CENPP: variants seen among roughly 807,000 people sequenced by gnomAD.
CENPP encodes the protein centromere protein P.
CENPP carries 24 observed loss-of-function variants against 35.6 expected under a neutral mutation model. That is an observed-to-expected ratio of 0.67 (90% CI 0.49 to 0.95). The LOEUF (loss-of-function observed/expected upper bound fraction) is 0.95. Among genes scored for constraint, CENPP ranks in the 40% least tolerant of loss-of-function variants. The pLI is 0.00. For missense variants in CENPP, 332 were observed against 345.3 expected, an observed-to-expected ratio of 0.96 and a Z score of 0.31; for synonymous variants, 120 against 125.5, an observed-to-expected ratio of 0.96 and a Z score of 0.29.
intron 5 of CENPP, among the ~76,000 whole-genome samples, chr9:92,589,351 A>T (rs556343762): frequency 6.6e-6 from 1 of 151,924 alleles, no homozygotes; most frequent in African/African-American, 2.4e-5. Flanking sequence ...CTCAAAAAAA[A>T]AAAAATTTTT....
intron 5 of CENPP, among the ~76,000 whole-genome samples, chr9:92,411,375 A>G (rs562233627): frequency 2.0e-5 from 3 of 152,174 alleles, no homozygotes; most frequent in African/African-American, 4.8e-5. Context: ...TTTCACTGCA[A>G]TGTCCACTTG....
In CENPP at chr9:92,617,717, G is replaced by A. The variant is rs74993589; in HGVS notation, c.*4568G>A. 0.038 allele frequency: 5,948 copies of A among 158,278 alleles called. 198 individuals are homozygous for A. The highest frequency in any genetic ancestry group is 0.092 in the East Asian group (492 of 5,328). The allele number at this position is 158,278 out of a possible 1,614,324, so 9.8% of individuals were successfully genotyped here. A position where few individuals can be genotyped will look rare whatever the true frequency, so the allele number is the denominator to read the frequency against. On this transcript the variant is annotated 3_prime_UTR_variant, in exon 8 of 8. Transcript: ENST00000375587. ...AGCCTCCAAGGGTGCTGGGGATCGG[G>A]GTGGAGAAGCCAAGGCCGCACACTG...
At chr9:92,502,881 C>T (rs553018197) in intron 5 of CENPP, among the ~76,000 whole-genome samples, 12 of 148,216 alleles carry the variant, frequency 8.1e-5, no homozygotes, top group African/African-American at 2.5e-4. Context: ...AAACATGGCT[C>T]ACTGCAGCCT....
At chr9:92,584,090 G>T (rs1300324716) in intron 5 of CENPP, among the ~76,000 whole-genome samples, 1 of 152,124 alleles carries the variant, frequency 6.6e-6, no homozygotes, top group East Asian at 1.9e-4. Flanking sequence ...ATGTGTCAGG[G>T]ACCTGGCCAC....
At chr9:92,595,984 C>G (rs1209396053) in intron 5 of CENPP, among the ~76,000 whole-genome samples, 1 of 152,030 alleles carries the variant, frequency 6.6e-6, no homozygotes, top group Non-Finnish European at 1.5e-5. Flanking sequence ...ACTTTAAATT[C>G]TATACCCAAA....
chr9:92,487,642 C>T (rs887403827), intron 5 of CENPP, among the ~76,000 whole-genome samples: 1 of 152,148 alleles, frequency 6.6e-6, no homozygotes, highest in East Asian at 1.9e-4. Flanking sequence ...ATCAGCAACA[C>T]AGTGAGATCC....
chr9:92,452,095 T>C (rs1438016545), intron 5 of CENPP, among the ~76,000 whole-genome samples: 1 of 129,796 alleles, frequency 7.7e-6, no homozygotes, highest in African/African-American at 3.5e-5. Context: ...TTTATTTCCT[T>C]CTCCTGCCTA....
At position 92,612,681 on chromosome 9, in the gene CENPP, T is replaced by C. The variant is rs1233448660; in HGVS notation, c.736+67T>C. On this transcript the variant is annotated intron_variant, in intron 7 of 7. Transcript: ENST00000375587. Reference sequence around the variant, plus strand: ...TGCCCAGCAAAGCCGCCTGCCTGTTTCCTCTGGGTTTCAAAGGGCAAGAAT... The same window carrying C: ...TGCCCAGCAAAGCCGCCTGCCTGTTCCCTCTGGGTTTCAAAGGGCAAGAAT... 3.5e-6 allele frequency: 4 copies of C among 1,155,400 alleles called. No individual in the cohort carries two copies. The African/African-American group carries it at 6.1e-5, about 18-fold the overall frequency. 71.6% of individuals were successfully genotyped at this position (1,155,400 alleles called of 1,614,324 possible). A position where few individuals can be genotyped will look rare whatever the true frequency, so the allele number is the denominator to read the frequency against.
chr9:92,410,577 T>G (rs897033115), intron 5 of CENPP, among the ~76,000 whole-genome samples: 3 of 152,184 alleles, frequency 2.0e-5, no homozygotes, highest in Non-Finnish European at 2.9e-5. Flanking sequence ...TTGTGAGATA[T>G]ATGATTTAAG....
chr9:92,611,437 CA>C (rs771886803), intron 6 of CENPP, 44 bp downstream of exon 6: 1 of 1,483,118 alleles, frequency 6.7e-7, no homozygotes, highest in Non-Finnish European at 9.3e-7. Context: ...CCTGTTCAAA[CA>C]AGGATTCCAA....
At chr9:92,527,228 C>T (rs1848469156) in intron 5 of CENPP, among the ~76,000 whole-genome samples, 1 of 152,148 alleles carries the variant, frequency 6.6e-6, no homozygotes, top group Non-Finnish European at 1.5e-5. Flanking sequence ...CCAGGCAGGT[C>T]TCAAACTCCT....
intron 4 of CENPP, among the ~76,000 whole-genome samples, chr9:92,362,527 A>G (rs2130836242): frequency 6.6e-6 from 1 of 152,342 alleles, no homozygotes; most frequent in African/African-American, 2.4e-5. Flanking sequence ...CCTTCTCAGC[A>G]TAGCTGTCCC....
chr9:92,449,145 T>TA (rs922431587), intron 5 of CENPP, among the ~76,000 whole-genome samples: 29 of 151,978 alleles, frequency 1.9e-4, no homozygotes, highest in African/African-American at 6.5e-4. Flanking sequence ...CTCCTACACC[T>TA]AAAAAAACAG....
intron 5 of CENPP, among the ~76,000 whole-genome samples, chr9:92,588,144 A>G (rs1850583455): frequency 6.6e-6 from 1 of 151,270 alleles, no homozygotes; most frequent in Admixed American, 6.6e-5. Flanking sequence ...TGTCTCAAAA[A>G]ATAAAATAAA....
At chr9:92,379,376 A>G (rs1340970104) in intron 4 of CENPP, among the ~76,000 whole-genome samples, 1 of 152,242 alleles carries the variant, frequency 6.6e-6, no homozygotes, top group African/African-American at 2.4e-5. Flanking sequence ...ACTCATTAGC[A>G]TAACAAAGAC....
intron 5 of CENPP, among the ~76,000 whole-genome samples, chr9:92,495,038 A>T (rs1846284811): frequency 6.6e-6 from 1 of 152,216 alleles, no homozygotes; most frequent in African/African-American, 2.4e-5. Context: ...TAATAACTGC[A>T]TTCATCATCC....
chr9:92,584,736 G>A (rs1850503264), intron 5 of CENPP, among the ~76,000 whole-genome samples: 1 of 152,168 alleles, frequency 6.6e-6, no homozygotes, highest in South Asian at 2.1e-4. Context: ...AAGCTCTAGA[G>A]TCTTTAAATT....
At chr9:92,369,648 G>T (rs1207238770) in intron 4 of CENPP, among the ~76,000 whole-genome samples, 1 of 152,158 alleles carries the variant, frequency 6.6e-6, no homozygotes, top group Non-Finnish European at 1.5e-5. Flanking sequence ...TTTGTTATTG[G>T]TGTATAAAAA....
At chr9:92,506,382 CA>C (rs746470223) in intron 5 of CENPP, among the ~76,000 whole-genome samples, 1 of 151,686 alleles carries the variant, frequency 6.6e-6, no homozygotes, top group Non-Finnish European at 1.5e-5. Flanking sequence ...TTTATACAAA[CA>C]AATTTTTTCT....
Sources: gnomAD v4.1 joint callset for allele counts (sites outside exome capture counted in the v4.1 genomes callset) on GRCh38, gnomAD v4.1.1 for gene constraint, MANE v1.5 for transcripts, NCBI Gene and HGNC (gene_info 2026-07-23, HGNC 2026-07-21) for gene names.